PTPRD: variants seen among roughly 807,000 people sequenced by gnomAD.
The protein encoded by PTPRD is protein tyrosine phosphatase receptor type D.
Under a neutral mutation model 214.5 loss-of-function variants are expected in PTPRD, and 34 were observed. The observed-to-expected ratio is 0.16, with a 90% CI of 0.12 to 0.21. The LOEUF is 0.21. PTPRD is among the 10% of genes least tolerant of loss of function. The pLI is 1.00. For synonymous variants in PTPRD, 1,128 were observed against 845.7 expected (o/e 1.33, Z -5.79); for missense variants, 2,545 against 2,398.7 (o/e 1.06, Z -1.27).
intron 10 of PTPRD, among the ~76,000 whole-genome samples, chr9:9,141,279 C>A (rs768207060): frequency 1.3e-5 from 2 of 150,012 alleles, no homozygotes. Context: ...CCCTGAGGCA[C>A]TACAGACCCT....
intron 2 of PTPRD, among the ~76,000 whole-genome samples, chr9:10,489,486 T>A (rs1199108772): frequency 2.0e-5 from 3 of 152,118 alleles, no homozygotes; most frequent in Non-Finnish European, 4.4e-5. Flanking sequence ...GTATGGCACA[T>A]GTACACTGTC....
At chr9:9,261,573 G>A (rs898005558) in intron 9 of PTPRD, among the ~76,000 whole-genome samples, 3 of 151,762 alleles carry the variant, frequency 2.0e-5, no homozygotes, top group African/African-American at 7.3e-5. Context: ...TGATAAAATG[G>A]GGGAAGGGGT....
intron 4 of PTPRD, among the ~76,000 whole-genome samples, chr9:9,997,309 G>C (rs1030497049): frequency 7.1e-6 from 1 of 141,490 alleles, no homozygotes; most frequent in East Asian, 2.0e-4. Flanking sequence ...TTTTGAGACA[G>C]AGTTTCACTC....
intron 3 of PTPRD, among the ~76,000 whole-genome samples, chr9:10,268,380 A>C (rs1381108675): frequency 6.6e-6 from 1 of 151,552 alleles, no homozygotes; most frequent in Non-Finnish European, 1.5e-5. Flanking sequence ...GTTATTTTTA[A>C]ATGTTCTAAA....
chr9:8,470,319 A>G (rs1337286583), intron 31 of PTPRD, among the ~76,000 whole-genome samples: 1 of 152,104 alleles, frequency 6.6e-6, no homozygotes, highest in Non-Finnish European at 1.5e-5. Context: ...GTTATGCATT[A>G]CCTTTCAAAA....
intron 12 of PTPRD, among the ~76,000 whole-genome samples, chr9:8,664,615 C>G (rs2097134150): frequency 6.6e-6 from 1 of 152,200 alleles, no homozygotes; most frequent in Admixed American, 6.5e-5. Context: ...ACCACCAGCT[C>G]ATATACTTCC....
At position 8,825,787 on chromosome 9, in the gene PTPRD, T is replaced by G. The variant is rs944509335; in HGVS notation, c.-103-91841A>C. ...AGGGGTGGATTATTCATGCCTCCCC[T>G]TTCTAGACCATATAGAGTAACTTCC... On this transcript the variant is annotated intron_variant, in intron 11 of 45. Coordinates refer to ENST00000381196, the MANE Select transcript of PTPRD (RefSeq NM_002839.4). Among the ~76,000 whole-genome samples, 3 of 141,406 alleles carry G rather than the reference T, an allele frequency of 2.1e-5. No individual in the cohort carries two copies. In the East Asian group the frequency reaches 6.1e-4, roughly 29 times the overall value. 92.8% of individuals were successfully genotyped at this position (141,406 alleles called of 152,430 possible).
chr9:10,560,805 A>G (rs1018254775), intron 2 of PTPRD, among the ~76,000 whole-genome samples: 6 of 152,220 alleles, frequency 3.9e-5, no homozygotes, highest in East Asian at 1.9e-4. Flanking sequence ...CACACTAACC[A>G]TATTTCAAGT....
At chr9:9,284,319 C>T (rs928841835) in intron 9 of PTPRD, among the ~76,000 whole-genome samples, 5 of 151,582 alleles carry the variant, frequency 3.3e-5, no homozygotes, top group African/African-American at 9.7e-5. Flanking sequence ...GATTTAAAGG[C>T]AACTTTAAAA....
At chr9:10,020,305 T>C (rs546086800) in intron 4 of PTPRD, among the ~76,000 whole-genome samples, 2 of 152,214 alleles carry the variant, frequency 1.3e-5, no homozygotes, top group African/African-American at 4.8e-5. Flanking sequence ...AGTTTCTTTT[T>C]CTTTTTCTTT....
chr9:9,878,382 C>A (rs1233843091), intron 5 of PTPRD, among the ~76,000 whole-genome samples: 1 of 152,072 alleles, frequency 6.6e-6, no homozygotes. Context: ...GGAATGCTAG[C>A]TATCGTGGGA....
rs150636810 is a variant in PTPRD at position 10,425,477 on chromosome 9, G to T, written c.-599-84460C>A. On this transcript the variant is annotated intron_variant, in intron 2 of 45. Coordinates refer to ENST00000381196, the MANE Select transcript of PTPRD (RefSeq NM_002839.4). ...CTGTGCTCTATTTATCATCAGTAAT[G>T]TGCTACTTTGTTCTCCAAGCACTGA... is the stretch of plus-strand genomic sequence containing the variant. Among the ~76,000 whole-genome samples the T allele has an allele frequency of 2.4e-3, 360 of 151,930 alleles. 1 individual carries two copies. The highest frequency in any genetic ancestry group is 7.6e-3 in the African/African-American group (317 of 41,500).
chr9:8,448,646 C>T (rs956003155), intron 34 of PTPRD, among the ~76,000 whole-genome samples: 2 of 152,234 alleles, frequency 1.3e-5, no homozygotes, highest in African/African-American at 4.8e-5. Context: ...CATTATGATG[C>T]TTGTATAGCC....
At chr9:10,071,784 T>A (rs2098023082) in intron 3 of PTPRD, among the ~76,000 whole-genome samples, 1 of 151,868 alleles carries the variant, frequency 6.6e-6, no homozygotes, top group Non-Finnish European at 1.5e-5. Context: ...TATTCTTAGT[T>A]TCAGGGAAAA....
intron 10 of PTPRD, among the ~76,000 whole-genome samples, chr9:9,128,476 C>CA (rs1374210780): frequency 6.6e-6 from 1 of 152,116 alleles, no homozygotes; most frequent in African/African-American, 2.4e-5. Flanking sequence ...TACACGTATG[C>CA]ATAATAACAT....
At chr9:8,888,024 T>C (rs562047782) in intron 11 of PTPRD, among the ~76,000 whole-genome samples, 1 of 152,298 alleles carries the variant, frequency 6.6e-6, no homozygotes, top group East Asian at 1.9e-4. Context: ...TTAAATCAAA[T>C]AGCTGCGTTT....
intron 5 of PTPRD, among the ~76,000 whole-genome samples, chr9:9,928,582 G>T (rs767767905): frequency 6.6e-6 from 1 of 152,046 alleles, no homozygotes; most frequent in South Asian, 2.1e-4. Context: ...ATGCCATAAA[G>T]TGGAAAAAAT....
At chr9:10,324,565 T>C (rs994123020) in intron 3 of PTPRD, among the ~76,000 whole-genome samples, 6 of 152,008 alleles carry the variant, frequency 3.9e-5, no homozygotes, top group African/African-American at 1.4e-4. Context: ...CCAGAGTTGA[T>C]TGAGCTGATC....
intron 8 of PTPRD, among the ~76,000 whole-genome samples, chr9:9,454,274 A>T (rs2092674851): frequency 6.6e-6 from 1 of 151,698 alleles, no homozygotes; most frequent in African/African-American, 2.4e-5. Flanking sequence ...TTTCTTGAGG[A>T]AATACTCCCG....
Sources: gnomAD v4.1 joint callset for allele counts (sites outside exome capture counted in the v4.1 genomes callset) on GRCh38, gnomAD v4.1.1 for gene constraint, MANE v1.5 for transcripts, NCBI Gene and HGNC (gene_info 2026-07-23, HGNC 2026-07-21) for gene names.